Variants in ZMYM2 observed in about 807,000 individuals in gnomAD.
ZMYM2 encodes zinc finger MYM-type protein 2.
A neutral mutation model predicts 162.8 loss-of-function variants in ZMYM2; 56 were observed. The ratio of observed to expected loss-of-function variants is 0.34; its 90% CI spans 0.28 to 0.43. The LOEUF is 0.43. ZMYM2 is among the 20% of genes least tolerant of loss of function. ZMYM2 has a pLI of 1.00. For missense variants in ZMYM2, 1,275 were observed against 1,621.8 expected (o/e 0.79, Z 3.67); for synonymous variants, 510 against 541.6 (o/e 0.94, Z 0.81).
chr13:20,028,069 T>G, intron 9 of ZMYM2: 1 of 177,684 alleles, frequency 5.6e-6, no homozygotes, highest in East Asian at 9.4e-5. Context: ...TTCCAGGTAC[T>G]GTGCTCTATG....
At chr13:20,010,148 T>G (rs553905369) in intron 6 of ZMYM2, among the ~76,000 whole-genome samples, 1 of 152,320 alleles carries the variant, frequency 6.6e-6, no homozygotes, top group South Asian at 2.1e-4. Flanking sequence ...GGTTTTGATT[T>G]GCATTTCCCT....
At chr13:19,917,615 G>T in the ZMYM2 span, among the ~76,000 whole-genome samples, 2 of 120,222 alleles carry the variant, frequency 1.7e-5, no homozygotes, top group African/African-American at 5.6e-5. Context: ...AAAAAAAAAA[G>T]AAGTTAGTTA....
intron 6 of ZMYM2, among the ~76,000 whole-genome samples, chr13:20,013,442 C>G (rs989262292): frequency 6.6e-6 from 1 of 152,144 alleles, no homozygotes; most frequent in Non-Finnish European, 1.5e-5. Flanking sequence ...TATTTCTTAA[C>G]TAATGGTTGT....
chr13:19,926,360 A>ATTTT, the ZMYM2 span, among the ~76,000 whole-genome samples: 19 of 105,408 alleles, frequency 1.8e-4, no homozygotes, highest in Non-Finnish European at 2.5e-4. Context: ...AGGACTACTT[A>ATTTT]TTTTTTTTTT....
chr13:19,892,732 T>A, the ZMYM2 span, among the ~76,000 whole-genome samples: 1 of 151,636 alleles, frequency 6.6e-6, no homozygotes, highest in East Asian at 1.9e-4. Flanking sequence ...CTTTTTTTTT[T>A]TTGTCAGAAT....
At position 20,036,941 on chromosome 13, in the gene ZMYM2, TAACC is replaced by T. The variant is rs770943560; in HGVS notation, c.2292+34_2292+37del. On this transcript the variant is annotated intron_variant, in intron 12 of 24. Transcript: ENST00000610343. ...AACTCCTTTATTACAGCAGCTACTT[TAACC>T]AGTCTTAAAAAACGTTGTAGCTGTT... The T allele has an allele frequency of 2.8e-5, 43 of 1,556,674 alleles. 1 individual carries two copies. The South Asian group carries it at 5.3e-4, about 19-fold the overall frequency.
At chr13:20,015,704 A>G (rs1311682449) in intron 6 of ZMYM2, among the ~76,000 whole-genome samples, 1 of 152,074 alleles carries the variant, frequency 6.6e-6, no homozygotes, top group Non-Finnish European at 1.5e-5. Flanking sequence ...TCTTCTTGGT[A>G]AGTAGACCCT....
rs36128018 is a variant in ZMYM2, at chr13:19,987,572, C to CGTGTGTGTGT, written c.-10-5474_-10-5465dup. Among the ~76,000 whole-genome samples the CGTGTGTGTGT allele has an allele frequency of 3.2e-3, 424 of 133,330 alleles. 7 individuals are homozygous for CGTGTGTGTGT. Among genetic ancestry groups the CGTGTGTGTGT allele is most frequent in the African/African-American group, 0.011 (405 of 35,620 alleles). The allele number at this position is 133,330 out of a possible 152,430, so 87.5% of individuals were successfully genotyped here. On this transcript the variant is annotated intron_variant, in intron 2 of 24. Coordinates refer to ENST00000610343, the MANE Select transcript of ZMYM2 (RefSeq NM_197968.4). Reference sequence around the variant, plus strand: ...GGCACCGCACCCGGGCGCCCCGCTACGTGTGTGTGTGTGTGTGTGTGTGTG... The same window carrying CGTGTGTGTGT: ...GGCACCGCACCCGGGCGCCCCGCTACGTGTGTGTGTGTGTGTGTGTGTGTGTGTGTGTGTG...
upstream of ZMYM2, among the ~76,000 whole-genome samples, chr13:19,957,500 T>C (rs1000510629): frequency 2.0e-5 from 3 of 152,168 alleles, no homozygotes; most frequent in Admixed American, 6.5e-5. Context: ...GACGTAGGTG[T>C]AGACGAGGAA....
At chr13:20,058,852 T>A (rs555882251) in intron 15 of ZMYM2, 148 bp downstream of exon 15, 2 of 1,012,662 alleles carry the variant, frequency 2.0e-6, no homozygotes, top group African/African-American at 3.2e-5. Context: ...ATTTTAGATA[T>A]TACCTGGAGA....
At chr13:19,960,950 G>A (rs1418445415) in intron 2 of ZMYM2, among the ~76,000 whole-genome samples, 1 of 152,120 alleles carries the variant, frequency 6.6e-6, no homozygotes, top group Non-Finnish European at 1.5e-5. Flanking sequence ...ATAAGCATTT[G>A]CTGAATATAC....
At chr13:19,965,371 C>A in intron 2 of ZMYM2, 1 of 653,688 alleles carries the variant, frequency 1.5e-6, no homozygotes, top group African/African-American at 1.9e-5. Context: ...TATAATCATT[C>A]ATTTCAAAGA....
chr13:20,059,113 G>T (rs936334886), intron 15 of ZMYM2, among the ~76,000 whole-genome samples: 2 of 151,860 alleles, frequency 1.3e-5, no homozygotes, highest in Non-Finnish European at 2.9e-5. Context: ...AGTGTTACCT[G>T]TGTATTCTAA....
At chr13:19,939,015 T>C in the ZMYM2 span, among the ~76,000 whole-genome samples, 8 of 145,538 alleles carry the variant, frequency 5.5e-5, no homozygotes, top group Non-Finnish European at 8.9e-5. Flanking sequence ...ACTAACTTTG[T>C]TGTAATTTTT....
At chr13:19,944,673 CTATT>C in the ZMYM2 span, among the ~76,000 whole-genome samples, 9 of 151,934 alleles carry the variant, frequency 5.9e-5, no homozygotes, top group Non-Finnish European at 7.4e-5. Context: ...CTTCCATGTC[CTATT>C]TATTTATTTA....
At chr13:19,928,626 G>A in the ZMYM2 span, among the ~76,000 whole-genome samples, 1 of 152,052 alleles carries the variant, frequency 6.6e-6, no homozygotes, top group Admixed American at 6.6e-5. Context: ...GCAAAACCTT[G>A]TCTCTACTAA....
rs1958376477 is a variant in ZMYM2 at position 20,088,165 on chromosome 13, CTT to C, written c.*2152_*2153del. 3.9e-5 allele frequency: 8 copies of C among 205,290 alleles called. No individual in the cohort carries two copies. In the South Asian group the frequency reaches 1.5e-3, roughly 39 times the overall value. 12.7% of individuals were successfully genotyped at this position (205,290 alleles called of 1,614,324 possible). On this transcript the variant is annotated 3_prime_UTR_variant, in exon 25 of 25. Coordinates refer to ENST00000610343, the MANE Select transcript of ZMYM2 (RefSeq NM_197968.4). Reference sequence around the variant, plus strand: ...TTGACATGATTGAGGATTTAGAGCTCTTGTCTTTGTCTTGATTGCAATCCAAC... The same window carrying C: ...TTGACATGATTGAGGATTTAGAGCTCGTCTTTGTCTTGATTGCAATCCAAC...
the ZMYM2 span, among the ~76,000 whole-genome samples, chr13:19,938,874 C>T: frequency 6.6e-6 from 1 of 152,062 alleles, no homozygotes; most frequent in Non-Finnish European, 1.5e-5. Flanking sequence ...CTTGTTCCTA[C>T]CTTACAAATC....
At chr13:19,882,534 C>A in the ZMYM2 span, among the ~76,000 whole-genome samples, 2 of 151,988 alleles carry the variant, frequency 1.3e-5, no homozygotes, top group Non-Finnish European at 2.9e-5. Context: ...ATCACTTGAG[C>A]CCAGGAGTTT....
Sources: allele counts gnomAD v4.1 joint callset (sites outside exome capture counted in the v4.1 genomes callset), GRCh38; gene constraint gnomAD v4.1.1; transcripts MANE v1.5; gene names NCBI Gene and HGNC (gene_info 2026-07-23, HGNC 2026-07-21).